Variants in MYADML2 observed in about 807,000 individuals in gnomAD.
The protein encoded by MYADML2 is myeloid-associated differentiation marker-like protein 2.
A neutral mutation model predicts 16.0 loss-of-function variants in MYADML2; 17 were observed. The observed-to-expected ratio is 1.06, with a 90% confidence interval of 0.73 to 1.60. The LOEUF is 1.60. MYADML2 is among the 40% of genes most tolerant of loss of function. The probability of loss-of-function intolerance (pLI) is 0.00; values close to 1 mark genes in which losing one functional copy is unlikely to be tolerated. For synonymous variants in MYADML2, 210 were observed against 208.1 expected (o/e 1.01, Z -0.08); for missense variants, 422 against 437.7 (o/e 0.96, Z 0.32).
intron 1 of MYADML2, among the ~76,000 whole-genome samples, chr17:81,943,946 C>A (rs2041324507): frequency 6.6e-6 from 1 of 151,414 alleles, no homozygotes. Context: ...CCCATCTCTA[C>A]TAAAAATACA....
intron 1 of MYADML2, among the ~76,000 whole-genome samples, chr17:81,945,826 C>T (rs182887422): frequency 5.9e-5 from 9 of 151,616 alleles, no homozygotes; most frequent in East Asian, 2.0e-4. Context: ...GTGATTATGC[C>T]GTCACACTCC....
rs140384409 is a variant in MYADML2 at position 81,942,891 on chromosome 17, G to C, written c.-180-518C>G. Among the ~76,000 whole-genome samples, 2,282 of 151,792 alleles carry C rather than the reference G, an allele frequency of 0.015. 56 individuals are homozygous for C. Among genetic ancestry groups the C allele is most frequent in the African/African-American group, 0.053 (2,193 of 41,346 alleles). On this transcript the variant is annotated intron_variant, in intron 1 of 2. Transcript: ENST00000409745. This position sits in a 1 kb window ranked among gnomAD's most constrained non-coding sequence, Gnocchi z 4.4. ...GATAGGGTCTAGCTTTGTCGCTCAG[G>C]TTGGAATGCAGTGGTGAGATCACAG...
Position 81,941,104 on chromosome 17 carries a change from G to A in MYADML2, c.638C>T (p.Ala213Val), listed in dbSNP as rs2041298917. ...LCFLATVAVV[A>V]LSVMGHTGGL... Reference sequence around the variant, plus strand: ...CCCTGTGTGGCCCATCACACTCAGGGCCACCACGGCCACTGTGGCCAGGAA... The same window carrying A: ...CCCTGTGTGGCCCATCACACTCAGGACCACCACGGCCACTGTGGCCAGGAA... Residue 213 changes from alanine (A) to valine (V), a missense_variant, in exon 3 of 3, where the codon GCC (alanine) becomes GTC (valine). Ala to Val is a moderately conservative substitution (Grantham distance 64). Transcript: ENST00000409745. The A allele has an allele frequency of 6.5e-7, 1 of 1,550,190 alleles. No individual in the cohort carries two copies. Among genetic ancestry groups the A allele is most frequent in the African/African-American group, 1.4e-5 (1 of 73,058 alleles).
At position 81,941,567 on chromosome 17, in the gene MYADML2, C is replaced by T. The variant is rs1417767324; in HGVS notation, c.175G>A (p.Gly59Ser). ...AGCGCAGAGACGGCGAAGCAGAAGC[C>T]CCAGGCGGCCATGCAGAAGGTGCCC... Reference protein sequence around the residue: ...VQGTFCMAAWGFCFAVSALVV... With the variant: ...VQGTFCMAAWSFCFAVSALVV... Residue 59 changes from glycine (G) to serine (S), a missense_variant, in exon 3 of 3, where the codon GGC becomes AGC. Transcript: ENST00000409745. The T allele has an allele frequency of 1.3e-6, 2 of 1,548,412 alleles. No individual in the cohort carries two copies. Among genetic ancestry groups the T allele is most frequent in the Non-Finnish European group, 1.7e-6 (2 of 1,146,802 alleles).
intron 1 of MYADML2, among the ~76,000 whole-genome samples, chr17:81,944,595 C>T (rs2041329881): frequency 6.6e-6 from 1 of 152,046 alleles, no homozygotes; most frequent in Admixed American, 6.6e-5. Context: ...CATGGGGCTC[C>T]CAATCCCCTT....
rs1417449417 is a variant in MYADML2, at chr17:81,941,464, A to G, written c.278T>C (p.Met93Thr). 1 of 1,549,260 alleles carries G rather than the reference A, an allele frequency of 6.5e-7. No homozygotes were observed. The highest frequency in any genetic ancestry group is 1.4e-5 in the African/African-American group (1 of 73,152). The part of the protein sequence containing the change: ...SWGNFTAAFA[M>T]LATLLCATAA... The stretch of plus-strand genomic sequence containing the variant: ...CGTCGCGCATAGCAGGGTGGCCAGC[A>G]TGGCGAAGGCGGCGGTGAAGTTGCC... Residue 93 changes from methionine (M) to threonine (T), a missense_variant, in exon 3 of 3, where the codon ATG becomes ACG. Physicochemically the swap from Met to Thr is moderately conservative, Grantham distance 81. Transcript: ENST00000409745.
At chr17:81,943,412 T>C (rs1269406446) in intron 1 of MYADML2, among the ~76,000 whole-genome samples, 1 of 150,204 alleles carries the variant, frequency 6.7e-6, no homozygotes, top group African/African-American at 2.5e-5. Context: ...TTTTTTCTTT[T>C]TTTTTTTTTG....
intron 1 of MYADML2, among the ~76,000 whole-genome samples, chr17:81,944,094 A>G (rs1193298831): frequency 6.7e-6 from 1 of 149,664 alleles, no homozygotes; most frequent in Non-Finnish European, 1.5e-5. Flanking sequence ...CCTGGGTGAC[A>G]GAGCTAGATT....
chr17:81,945,672 A>G (rs1289752761), intron 1 of MYADML2, among the ~76,000 whole-genome samples: 2 of 151,514 alleles, frequency 1.3e-5, no homozygotes, highest in African/African-American at 4.9e-5. Flanking sequence ...ACTGCACTCC[A>G]GCCTGGGCAA....
intron 1 of MYADML2, among the ~76,000 whole-genome samples, chr17:81,944,141 A>G (rs2143925345): frequency 6.6e-6 from 1 of 152,134 alleles, no homozygotes; most frequent in South Asian, 2.1e-4. Context: ...GCAGTGGCTC[A>G]CACTTGTAAT....
intron 1 of MYADML2, among the ~76,000 whole-genome samples, chr17:81,945,434 G>A (rs1312464976): frequency 5.3e-5 from 8 of 152,032 alleles, no homozygotes; most frequent in African/African-American, 1.4e-4. Context: ...AGCTACTCAG[G>A]AGGCTGAGGC....
At chr17:81,945,254 AAT>A (rs2041334895) in intron 1 of MYADML2, among the ~76,000 whole-genome samples, 2 of 150,994 alleles carry the variant, frequency 1.3e-5, no homozygotes, top group African/African-American at 4.9e-5. Flanking sequence ...AAAAAAAAAC[AAT>A]TGGCTGGGTG....
In MYADML2 at chr17:81,941,676, C is replaced by T; in HGVS notation, c.66G>A (p.Val22=). 5.8e-6 allele frequency: 9 copies of T among 1,548,404 alleles called. No individual in the cohort carries two copies. The highest frequency in any genetic ancestry group is 1.2e-5 in the South Asian group (1 of 83,980). Residue 22 remains valine, a synonymous_variant, in exon 3 of 3, where the codon GTG becomes GTA. Transcript: ENST00000409745. ...CCAGCTGCAGCACGCGGGCTGTGCC[C>T]ACAGGGGATGTCACGGCGCCCAGGT... ...YLHLGAVTSP[V]GTARVLQLAF...
chr17:81,945,239 T>A lies in MYADML2; in HGVS notation c.-181+1820A>T, dbSNP rs1186502713. 5.6e-5 allele frequency among the ~76,000 whole-genome samples: 8 copies of A among 142,342 alleles called. No homozygotes were observed. The South Asian group carries it at 6.7e-4, about 12-fold the overall frequency. 93.4% of individuals were successfully genotyped at this position (142,342 alleles called of 152,430 possible). On this transcript the variant is annotated intron_variant, in intron 1 of 2. Transcript: ENST00000409745. ...AACATGGTAAAACTCTGTCTATATT[T>A]AAAAAAAAAAAAACAATTGGCTGGG...
In MYADML2 at chr17:81,940,467, C is replaced by G. The variant is rs912164203; in HGVS notation, c.*351G>C. On this transcript the variant is annotated 3_prime_UTR_variant, in exon 3 of 3. Coordinates refer to ENST00000409745, the MANE Select transcript of MYADML2 (RefSeq NM_001145113.3). Reference sequence around the variant, plus strand: ...ATGCTTCTAGCCTCCATGTCCCCAGCTGCAAAATGGGTCACAACAGCAGCT... The same window carrying G: ...ATGCTTCTAGCCTCCATGTCCCCAGGTGCAAAATGGGTCACAACAGCAGCT... 105 of 232,404 alleles carry G rather than the reference C, an allele frequency of 4.5e-4. No individual in the cohort carries two copies. The highest frequency in any genetic ancestry group is 8.5e-5 in the Non-Finnish European group (10 of 117,716). 14.4% of individuals were successfully genotyped at this position (232,404 alleles called of 1,614,324 possible). A position where few individuals can be genotyped will look rare whatever the true frequency, so the allele number is the denominator to read the frequency against.
At chr17:81,941,908 G>T (rs1042247748) in intron 2 of MYADML2, 65 bp from the exon 3 acceptor site, 3 of 632,880 alleles carry the variant, frequency 4.7e-6, no homozygotes, top group African/African-American at 3.7e-5. Context: ...ATGTGAGGCG[G>T]CTCCCCCCAG....
intron 1 of MYADML2, among the ~76,000 whole-genome samples, chr17:81,945,840 C>T (rs1284214258): frequency 2.6e-5 from 4 of 151,850 alleles, no homozygotes; most frequent in Non-Finnish European, 4.4e-5. Context: ...ACACTCCAGC[C>T]CGGGCAACAC....
At position 81,945,643 on chromosome 17, in the gene MYADML2, C is replaced by T. The variant is rs1300994027; in HGVS notation, c.-181+1416G>A. ...CTTGAACCCAGGAGACCGAGGTTGC[C>T]GTGAGCTGAGATTGCACCACTGCAC... On this transcript the variant is annotated intron_variant, in intron 1 of 2. Transcript: ENST00000409745. Among the ~76,000 whole-genome samples the T allele has an allele frequency of 6.7e-5, 10 of 148,760 alleles. 1 individual carries two copies. In the East Asian group the frequency reaches 1.2e-3, roughly 18 times the overall value.
At position 81,945,371 on chromosome 17, in the gene MYADML2, C is replaced by G. The variant is rs1271171693; in HGVS notation, c.-181+1688G>C. ...TGGCTAACACAGTGAAACCCCATCT[C>G]TACTAAAAATACAAAAAATTATCCA... On this transcript the variant is annotated intron_variant, in intron 1 of 2. Transcript: ENST00000409745. 3.3e-5 allele frequency among the ~76,000 whole-genome samples: 5 copies of G among 152,080 alleles called. No individual in the cohort carries two copies. The East Asian group carries it at 5.8e-4, about 18-fold the overall frequency.
Sources: gnomAD v4.1 joint callset for allele counts (sites outside exome capture counted in the v4.1 genomes callset) on GRCh38, gnomAD v4.1.1 for gene constraint, Gnocchi (gnomAD v3.1) non-coding constraint, MANE v1.5 for transcripts, NCBI Gene and HGNC (gene_info 2026-07-23, HGNC 2026-07-21) for gene names.